Variants in APP observed in about 807,000 individuals in gnomAD.
APP encodes the protein amyloid beta precursor protein.
Under a neutral mutation model 101.4 loss-of-function variants are expected in APP, and 31 were observed. The ratio of observed to expected loss-of-function variants is 0.31; its 90% CI spans 0.23 to 0.41. The LOEUF (loss-of-function observed/expected upper bound fraction) is 0.41, where lower values mean the gene tolerates loss of function less well. Ranked by LOEUF, APP falls within the 10% of genes least tolerant of loss-of-function variation. APP has a pLI of 1.00. For missense variants in APP, 839 were observed against 1,003.7 expected, an observed-to-expected ratio of 0.84 and a Z score of 2.22; for synonymous variants, 366 against 364.4, an observed-to-expected ratio of 1.00 and a Z score of -0.05.
chr21:26,162,811 T>C (rs1260288225), intron 1 of APP, among the ~76,000 whole-genome samples: 1 of 143,822 alleles, frequency 7.0e-6, no homozygotes, highest in Non-Finnish European at 1.5e-5. Context: ...TGCCTTACAT[T>C]TTTCAATGAA....
chr21:26,125,910 C>T (rs536532640), intron 1 of APP, among the ~76,000 whole-genome samples: 1 of 152,326 alleles, frequency 6.6e-6, no homozygotes, highest in East Asian at 1.9e-4. Context: ...ATTATCTGGA[C>T]TCTCACCATG....
intron 5 of APP, among the ~76,000 whole-genome samples, chr21:26,047,310 T>C (rs563919704): frequency 6.6e-6 from 1 of 152,324 alleles, no homozygotes; most frequent in African/African-American, 2.4e-5. Context: ...AGGAAAATGG[T>C]AGCTCGTTTC....
chr21:26,116,165 T>C (rs943917328), intron 1 of APP, among the ~76,000 whole-genome samples: 20 of 152,208 alleles, frequency 1.3e-4, no homozygotes, highest in African/African-American at 4.8e-4. Context: ...GAAGCATTCA[T>C]AAATTGCCTC....
At chr21:25,997,040 T>G (rs8132200) in intron 8 of APP, 84,821 of 347,676 alleles carry the variant, frequency 0.24, 13,179 homozygotes, top group African/African-American at 0.53. Context: ...GTTACACTGA[T>G]AGCTTTTAGG....
intron 5 of APP, among the ~76,000 whole-genome samples, chr21:26,046,560 T>G (rs1045616731): frequency 4.1e-5 from 6 of 147,980 alleles, no homozygotes; most frequent in African/African-American, 1.5e-4. Flanking sequence ...AAAAAAAAAA[T>G]CATCTAATTA....
chr21:26,166,642 G>A (rs2063616164), intron 1 of APP, among the ~76,000 whole-genome samples: 1 of 151,962 alleles, frequency 6.6e-6, no homozygotes, highest in Non-Finnish European at 1.5e-5. Context: ...GCATAGTCAA[G>A]TGAAACAGAG....
At chr21:26,023,755 G>A (rs539666762) in intron 5 of APP, among the ~76,000 whole-genome samples, 34 of 152,336 alleles carry the variant, frequency 2.2e-4, no homozygotes, top group Admixed American at 5.2e-4. Flanking sequence ...AGTTTCTAAT[G>A]CAGCTCCAGA....
upstream of APP, chr21:26,170,930 C>A: frequency 3.6e-6 from 1 of 277,224 alleles, no homozygotes; most frequent in Non-Finnish European, 6.7e-6. Context: ...GTGCACGCGC[C>A]CTTGGCGCCG....
rs527835256 is a variant in APP, at chr21:26,099,805, C to CGCT, written c.226-9736_226-9734dup. ...GAGAGGCAGCGTGCAGCTGATGAAA[C>CGCT]GCTACTGCAATAATGGGAGGTATCA... On this transcript the variant is annotated intron_variant, in intron 2 of 17. Coordinates refer to ENST00000346798, the MANE Select transcript of APP (RefSeq NM_000484.4). Among the ~76,000 whole-genome samples, 47 of 152,286 alleles carry CGCT rather than the reference C, an allele frequency of 3.1e-4. No homozygotes were observed. In the East Asian group the frequency reaches 8.7e-3, roughly 28 times the overall value.
At chr21:25,974,948 C>T (rs2042169481) in intron 11 of APP, 122 bp downstream of exon 11, 1 of 1,437,938 alleles carries the variant, frequency 7.0e-7, no homozygotes, top group Non-Finnish European at 9.6e-7. Flanking sequence ...GGTTGAACCT[C>T]TGAATAACAG....
chr21:26,147,496 A>G (rs956274615), intron 1 of APP, among the ~76,000 whole-genome samples: 3 of 152,204 alleles, frequency 2.0e-5, no homozygotes, highest in African/African-American at 7.2e-5. Flanking sequence ...AAAGAGCATG[A>G]TATAATCAGT....
At chr21:25,958,372 G>A (rs2146503842) in intron 11 of APP, among the ~76,000 whole-genome samples, 1 of 152,280 alleles carries the variant, frequency 6.6e-6, no homozygotes, top group Non-Finnish European at 1.5e-5. Flanking sequence ...CGCCTCCTGG[G>A]TTCAAGTGAT....
At chr21:26,106,934 C>T (rs1395630406) in intron 2 of APP, among the ~76,000 whole-genome samples, 1 of 152,174 alleles carries the variant, frequency 6.6e-6, no homozygotes, top group Middle Eastern at 3.2e-3. Flanking sequence ...TTTGCCAGAT[C>T]CTAACAATGT....
intron 14 of APP, among the ~76,000 whole-genome samples, chr21:25,905,909 T>A (rs939003519): frequency 6.6e-6 from 1 of 151,696 alleles, no homozygotes; most frequent in East Asian, 1.9e-4. Context: ...GGGACAAAAG[T>A]GAAGTTTTTA....
At chr21:26,069,609 G>A (rs762474583) in intron 3 of APP, among the ~76,000 whole-genome samples, 135 of 152,150 alleles carry the variant, frequency 8.9e-4, no homozygotes, top group Admixed American at 9.2e-4. Flanking sequence ...TCCTAAGTGT[G>A]AGACTCAATA....
At chr21:25,891,546 G>T (rs968741918) in intron 17 of APP, among the ~76,000 whole-genome samples, 176 bp downstream of exon 17, 3 of 152,148 alleles carry the variant, frequency 2.0e-5, no homozygotes, top group Non-Finnish European at 4.4e-5. Flanking sequence ...AATATTCACG[G>T]TAAGTTGCAA....
In APP at chr21:25,926,990, G is replaced by GA. The variant is rs1292639801; in HGVS notation, c.1688-15029dup. ...TGCACTCCAGTCTGGGCAACAGAGT[G>GA]AGACTCCGTCTCAAAAAAAAAAAAA... On this transcript the variant is annotated intron_variant, in intron 13 of 17. Transcript: ENST00000346798. Among the ~76,000 whole-genome samples, 4 of 114,156 alleles carry GA rather than the reference G, an allele frequency of 3.5e-5. No individual in the cohort carries two copies. In the Admixed American group the frequency reaches 4.2e-4, roughly 12 times the overall value. The allele number at this position is 114,156 out of a possible 152,430, so 74.9% of individuals were successfully genotyped here. A position where few individuals can be genotyped will look rare whatever the true frequency, so the allele number is the denominator to read the frequency against.
At chr21:26,044,480 A>G (rs1255448259) in intron 5 of APP, among the ~76,000 whole-genome samples, 1 of 152,202 alleles carries the variant, frequency 6.6e-6, no homozygotes, top group East Asian at 1.9e-4. Context: ...CCTTCACATG[A>G]TATCCTAGAT....
chr21:26,084,436 C>T (rs2061663622), intron 3 of APP, among the ~76,000 whole-genome samples: 1 of 152,082 alleles, frequency 6.6e-6, no homozygotes, highest in Non-Finnish European at 1.5e-5. Flanking sequence ...GACGGGGTTT[C>T]ACCGTTGTTA....
Sources: allele counts gnomAD v4.1 joint callset (sites outside exome capture counted in the v4.1 genomes callset), GRCh38; gene constraint gnomAD v4.1.1; transcripts MANE v1.5; gene names NCBI Gene and HGNC (gene_info 2026-07-23, HGNC 2026-07-21).